Variants in CTNND2 observed in about 807,000 individuals in gnomAD.
CTNND2 encodes catenin delta-2.
In CTNND2, 22 loss-of-function variants were observed where a neutral mutation model predicts 144.4. The observed-to-expected ratio is 0.15, with a 90% CI of 0.11 to 0.22. The LOEUF (loss-of-function observed/expected upper bound fraction) is 0.22, where lower values mean the gene tolerates loss of function less well. CTNND2 is among the 10% of genes least tolerant of loss of function. CTNND2 has a pLI of 1.00. For synonymous variants in CTNND2, 751 were observed against 695.6 expected (o/e 1.08, Z -1.25); for missense variants, 1,353 against 1,618.8 (o/e 0.84, Z 2.82).
intron 2 of CTNND2, among the ~76,000 whole-genome samples, chr5:11,672,220 C>T (rs921274112): frequency 9.9e-5 from 15 of 152,128 alleles, no homozygotes; most frequent in Non-Finnish European, 1.8e-4. Context: ...ATCTGTTGGC[C>T]CCTACTGGGA....
chr5:11,625,508 T>C (rs1781111468), intron 2 of CTNND2, among the ~76,000 whole-genome samples: 1 of 151,980 alleles, frequency 6.6e-6, no homozygotes, highest in South Asian at 2.1e-4. Flanking sequence ...TGTAAAATTA[T>C]AAAACCTCTA....
At chr5:11,052,685 A>G (rs1363262036) in intron 16 of CTNND2, among the ~76,000 whole-genome samples, 1 of 152,034 alleles carries the variant, frequency 6.6e-6, no homozygotes, top group Non-Finnish European at 1.5e-5. Flanking sequence ...TGTCCCCCTT[A>G]CCACAGTAAG....
intron 1 of CTNND2, among the ~76,000 whole-genome samples, chr5:11,785,143 T>C (rs757867441): frequency 9.2e-5 from 14 of 152,228 alleles, no homozygotes; most frequent in Non-Finnish European, 2.1e-4. Context: ...GGCTTTTTCC[T>C]CACATCAAAA....
intron 9 of CTNND2, among the ~76,000 whole-genome samples, chr5:11,263,062 C>T (rs1367548990): frequency 1.3e-5 from 2 of 152,134 alleles, no homozygotes; most frequent in African/African-American, 4.8e-5. Context: ...CAACTTTCAC[C>T]TGAAATGTGA....
At chr5:11,390,250 G>A (rs1333697975) in intron 6 of CTNND2, among the ~76,000 whole-genome samples, 1 of 152,212 alleles carries the variant, frequency 6.6e-6, no homozygotes, top group Non-Finnish European at 1.5e-5. Flanking sequence ...CTTTGGGGGA[G>A]TAGGAGCCCC....
At chr5:11,336,849 A>AC (rs1753781312) in intron 9 of CTNND2, among the ~76,000 whole-genome samples, 7 of 150,474 alleles carry the variant, frequency 4.7e-5, no homozygotes, top group Non-Finnish European at 8.9e-5. Context: ...ATATGGCACA[A>AC]ACACACACAC....
At chr5:11,140,814 GATTT>G (rs771762187) in intron 12 of CTNND2, among the ~76,000 whole-genome samples, 1 of 152,076 alleles carries the variant, frequency 6.6e-6, no homozygotes, top group Non-Finnish European at 1.5e-5. Context: ...TTATATTCTA[GATTT>G]ATTAAAAAAA....
intron 11 of CTNND2, among the ~76,000 whole-genome samples, chr5:11,177,152 T>A (rs148091129): frequency 6.6e-6 from 1 of 152,176 alleles, no homozygotes; most frequent in Non-Finnish European, 1.5e-5. Flanking sequence ...GAGTATTACA[T>A]CCCTTATTTC....
rs70949317 is a variant in CTNND2, at chr5:11,330,782, C to CA, written c.1628+15589dup. On this transcript the variant is annotated intron_variant, in intron 9 of 21. Transcript: ENST00000304623. ...TGGGCAACAGAGCAAAACTCTGTAT[C>CA]AAAAAAAAAAAAAAAAAATAGAAAG... Among the ~76,000 whole-genome samples, 343 of 139,568 alleles carry CA rather than the reference C, an allele frequency of 2.5e-3. 2 individuals carry two copies. The highest frequency in any genetic ancestry group is 2.9e-3 in the Non-Finnish European group (183 of 63,452). The allele number at this position is 139,568 out of a possible 152,430, so 91.6% of individuals were successfully genotyped here. A position where few individuals can be genotyped will look rare whatever the true frequency, so the allele number is the denominator to read the frequency against.
chr5:10,987,657 C>T lies in CTNND2; in HGVS notation c.3343+454G>A, dbSNP rs528263384. Among the ~76,000 whole-genome samples the T allele has an allele frequency of 1.8e-3, 233 of 128,020 alleles. 1 individual carries two copies. The highest frequency in any genetic ancestry group is 6.4e-3 in the African/African-American group (218 of 34,102). The allele number at this position is 128,020 out of a possible 152,430, so 84.0% of individuals were successfully genotyped here. A position where few individuals can be genotyped will look rare whatever the true frequency, so the allele number is the denominator to read the frequency against. ...TCTTTCCATTCCCCGTCCCTCCCCT[C>T]CCCACTCCCCTCTCCTCCCCTCCCC... On this transcript the variant is annotated intron_variant, in intron 20 of 21. Transcript: ENST00000304623.
chr5:11,575,606 T>A (rs1015601678), intron 2 of CTNND2, among the ~76,000 whole-genome samples: 1 of 152,208 alleles, frequency 6.6e-6, no homozygotes, highest in African/African-American at 2.4e-5. Context: ...ATGCTCTTTG[T>A]TGAAACTTAA....
chr5:11,681,898 T>C (rs958674090), intron 2 of CTNND2, among the ~76,000 whole-genome samples: 2 of 152,168 alleles, frequency 1.3e-5, no homozygotes, highest in Non-Finnish European at 2.9e-5. Context: ...TTTGAAGTAA[T>C]TATCACAACA....
intron 7 of CTNND2, among the ~76,000 whole-genome samples, chr5:11,383,287 G>A (rs1263864610): frequency 2.6e-5 from 4 of 152,052 alleles, no homozygotes; most frequent in African/African-American, 4.8e-5. Context: ...ATGGAGTCTC[G>A]TAAGAACTCC....
chr5:11,710,539 CAAAAA>C (rs1197887467), intron 2 of CTNND2, among the ~76,000 whole-genome samples: 2 of 68,774 alleles, frequency 2.9e-5, no homozygotes. Context: ...GACTCCATCT[CAAAAA>C]AAAAAAAAAA....
intron 12 of CTNND2, among the ~76,000 whole-genome samples, chr5:11,122,898 T>C (rs796340917): frequency 3.3e-5 from 5 of 152,116 alleles, no homozygotes; most frequent in African/African-American, 1.2e-4. Context: ...GATGATGGCA[T>C]GGACCAGAGA....
Position 11,346,501 on chromosome 5 carries a change from G to C in CTNND2, c.1499C>G (p.Ala500Gly), listed in dbSNP as rs768348550. 6.2e-7 allele frequency: 1 copy of C among 1,606,138 alleles called. No individual in the cohort carries two copies. Among genetic ancestry groups the C allele is most frequent in the Non-Finnish European group, 8.5e-7 (1 of 1,176,674 alleles). The change falls in exon 9 of 22, where the codon GCG becomes GGG. Residue 500 changes from alanine to glycine, a missense_variant. This residue lies in a region of CTNND2 where 708 missense variants were observed against 706.4 expected (regional missense o/e 1.00). Transcript: ENST00000304623. Reference sequence around the variant, plus strand: ...ATACTGCAGCTGTCGGTAGGGGTCCGCGTAATTGGAGGCTGGGCCGGCGGC... The same window carrying C: ...ATACTGCAGCTGTCGGTAGGGGTCCCCGTAATTGGAGGCTGGGCCGGCGGC... ...SYAAGPASNY[A>G]DPYRQLQYCP...
chr5:11,871,870 C>T (rs1007602675), intron 1 of CTNND2, among the ~76,000 whole-genome samples: 2 of 152,018 alleles, frequency 1.3e-5, no homozygotes, highest in Non-Finnish European at 2.9e-5. Context: ...TAGGGGGAGG[C>T]GTAAAGATGT....
At chr5:11,813,241 G>A (rs1194913968) in intron 1 of CTNND2, among the ~76,000 whole-genome samples, 1 of 152,158 alleles carries the variant, frequency 6.6e-6, no homozygotes, top group Non-Finnish European at 1.5e-5. Context: ...CATACAGGCT[G>A]TACCAACTAC....
intron 12 of CTNND2, among the ~76,000 whole-genome samples, chr5:11,129,175 ATTTT>A (rs1755217697): frequency 5.2e-5 from 1 of 19,126 alleles, no homozygotes; most frequent in South Asian, 1.8e-3. Flanking sequence ...TATATTATAT[ATTTT>A]ATATATAATA....
Sources: gnomAD v4.1 joint callset for allele counts (sites outside exome capture counted in the v4.1 genomes callset) on GRCh38, gnomAD v4.1.1 for gene constraint, gnomAD v4.1.1 regional missense constraint, MANE v1.5 for transcripts, NCBI Gene and HGNC (gene_info 2026-07-23, HGNC 2026-07-21) for gene names.